The following WDR75 variants were observed in gnomAD, a reference collection of about 807,000 sequenced individuals.
The protein encoded by WDR75 is WD repeat domain 75.
Under a neutral mutation model 106.1 loss-of-function variants are expected in WDR75, and 52 were observed. The observed-to-expected ratio is 0.49, with a 90% CI of 0.39 to 0.62. The LOEUF is 0.62. WDR75 is among the 20% of genes least tolerant of loss of function. The pLI is 0.00. For missense variants in WDR75, 905 were observed against 970.3 expected, an observed-to-expected ratio of 0.93 and a Z score of 0.89; for synonymous variants, 333 against 335.5, an observed-to-expected ratio of 0.99 and a Z score of 0.08.
intron 2 of WDR75, chr2:189,448,926 T>C (rs1294266254): frequency 2.1e-6 from 1 of 467,906 alleles, no homozygotes; most frequent in African/African-American, 2.0e-5. Flanking sequence ...CAGGAGGTAT[T>C]GATTTGGTAG....
At position 189,458,735 on chromosome 2, in the gene WDR75, GTT is replaced by G; in HGVS notation, c.570-9_570-8del. ...GAGACTTTAATAATTAAGGGAATTT[GTT>G]TTTTTTTTCTCCTAGGTTTACTTTA... On this transcript the variant is annotated splice_polypyrimidine_tract_variant and intron_variant, in intron 6 of 20. Transcript: ENST00000314761. The G allele has an allele frequency of 7.2e-7, 1 of 1,391,848 alleles. No homozygotes were observed. The highest frequency in any genetic ancestry group is 1.5e-5 in the South Asian group (1 of 67,896). The allele number at this position is 1,391,848 out of a possible 1,614,324, so 86.2% of individuals were successfully genotyped here.
At chr2:189,449,204 C>T in intron 2 of WDR75, 1 of 1,273,682 alleles carries the variant, frequency 7.9e-7, no homozygotes, top group Non-Finnish European at 1.0e-6. Context: ...ATATTTTGTT[C>T]TTGCTCTTAT....
chr2:189,448,594 C>G (rs1686549543), intron 2 of WDR75, 86 bp downstream of exon 2: 17 of 1,522,918 alleles, frequency 1.1e-5, no homozygotes, highest in Non-Finnish European at 1.5e-5. Flanking sequence ...GAGAAACTTT[C>G]CAGGTTATAA....
At chr2:189,457,144 A>C (rs111950224) in intron 5 of WDR75, among the ~76,000 whole-genome samples, 167 bp from the exon 6 acceptor site, 1 of 151,856 alleles carries the variant, frequency 6.6e-6, no homozygotes, top group Admixed American at 6.6e-5. Flanking sequence ...GGGAGGCTGA[A>C]GCAGGAGAAT....
intron 1 of WDR75, 138 bp downstream of exon 1, chr2:189,441,716 G>C (rs1426118988): frequency 2.1e-6 from 2 of 950,568 alleles, no homozygotes; most frequent in African/African-American, 3.3e-5. Context: ...CGCCTGTGGG[G>C]GATCCCCAGG....
intron 2 of WDR75, chr2:189,450,503 G>A (rs1387687584): frequency 1.2e-6 from 1 of 825,542 alleles, no homozygotes; most frequent in Admixed American, 6.3e-5. Flanking sequence ...GCTAATTTTT[G>A]TAGGGGTTTC....
At chr2:189,463,543 A>T (rs1408499263) in intron 9 of WDR75, 151 bp from the exon 10 acceptor site, 19 of 672,318 alleles carry the variant, frequency 2.8e-5, no homozygotes, top group Non-Finnish European at 4.2e-5. Context: ...CACTAATGAT[A>T]GCTGATGAGC....
chr2:189,455,395 T>A lies in WDR75; in HGVS notation c.449T>A (p.Val150Asp). The change falls in exon 5 of 21, where the codon GTT becomes GAT. Residue 150 changes from valine to aspartate, a missense_variant. By Grantham distance (152) the Val-to-Asp change is radical (BLOSUM62 -3). Coordinates refer to ENST00000314761, the MANE Select transcript of WDR75 (RefSeq NM_032168.3). ...GTAGAAGCCAAGGAGCTGTCCTTTG[T>A]TTTGGATTACATAAACCAGTCACCC... The part of the protein sequence containing the change: ...QEVEAKELSF[V>D]LDYINQSPKC... 1 of 1,614,142 alleles carries A rather than the reference T, an allele frequency of 6.2e-7. No individual in the cohort carries two copies. Among genetic ancestry groups the A allele is most frequent in the Non-Finnish European group, 8.5e-7 (1 of 1,179,994 alleles).
rs533126663 is a variant in WDR75 at position 189,444,656 on chromosome 2, T to C, written c.86+3078T>C. Among the ~76,000 whole-genome samples, 9 of 152,336 alleles carry C rather than the reference T, an allele frequency of 5.9e-5. No individual in the cohort carries two copies. In the East Asian group the frequency reaches 1.2e-3, roughly 20 times the overall value. ...CAATTTTCCTAAGTTGTTACTGTTA[T>C]AACATTATTACTCTAACTCTTATTT... On this transcript the variant is annotated intron_variant, in intron 1 of 20. Coordinates refer to ENST00000314761, the MANE Select transcript of WDR75 (RefSeq NM_032168.3).
intron 2 of WDR75, chr2:189,449,401 A>C: frequency 7.9e-7 from 1 of 1,272,354 alleles, no homozygotes; most frequent in Non-Finnish European, 1.0e-6. Context: ...GGATCCAAGT[A>C]CATATTTTAT....
In WDR75 at chr2:189,462,247, A is replaced by G. The variant is rs150730530; in HGVS notation, c.779-237A>G. On this transcript the variant is annotated intron_variant, in intron 8 of 20. Transcript: ENST00000314761. ...GGATATTTGTTTGTCCAGCTTTTCT[A>G]GTTGTCAACAGAGGAGTTGGTCAGC... Among the ~76,000 whole-genome samples, 610 of 152,156 alleles carry G rather than the reference A, an allele frequency of 4.0e-3. 12 individuals are homozygous for G. The highest frequency in any genetic ancestry group is 0.035 in the Admixed American group (539 of 15,288).
Position 189,468,457 on chromosome 2 carries a change from C to CTTGT in WDR75, c.1629-17_1629-14dup. ...GCTAGAACTGACTGTTGCTAACTTC[C>CTTGT]TTGTGGTTTTAATCTAGGCACCTTT... is the stretch of plus-strand genomic sequence containing the variant. On this transcript the variant is annotated splice_polypyrimidine_tract_variant and intron_variant, in intron 14 of 20. Coordinates refer to ENST00000314761, the MANE Select transcript of WDR75 (RefSeq NM_032168.3). The CTTGT allele has an allele frequency of 6.2e-7, 1 of 1,612,074 alleles. No homozygotes were observed.
chr2:189,464,023 A>C, intron 11 of WDR75, 62 bp downstream of exon 11: 1 of 1,387,030 alleles, frequency 7.2e-7, no homozygotes, highest in Non-Finnish European at 1.0e-6. Flanking sequence ...ACTGGAGTCA[A>C]GCAATTTGTT....
intron 8 of WDR75, 72 bp from the exon 9 acceptor site, chr2:189,462,412 T>C: frequency 2.0e-5 from 31 of 1,543,244 alleles, no homozygotes; most frequent in Non-Finnish European, 2.7e-5. Flanking sequence ...AAAACAAAAG[T>C]GTTAATTATA....
At chr2:189,469,974 A>ACAGT in intron 16 of WDR75, 102 bp from the exon 17 acceptor site, 2 of 1,018,326 alleles carry the variant, frequency 2.0e-6, no homozygotes, top group Non-Finnish European at 2.9e-6. Flanking sequence ...TGGGCCAGTT[A>ACAGT]CTCAATGGGG....
rs370533793 is a variant in WDR75 at position 189,475,337 on chromosome 2, A to G, written c.2413A>G (p.Ile805Val). Reference protein sequence around the residue: ...TSNTGLGEDIIHQLSKSEEKE... With the variant: ...TSNTGLGEDIVHQLSKSEEKE... ...TAACACAGGTTTAGGAGAAGACATTATACATCAGTTGTCAAAATCTGAAGA... is the reference window on the plus strand; with the variant it reads ...TAACACAGGTTTAGGAGAAGACATTGTACATCAGTTGTCAAAATCTGAAGA... Residue 805 changes from isoleucine (I) to valine (V), a missense_variant, in exon 21 of 21, where the codon ATA (isoleucine) becomes GTA (valine). By Grantham distance (29) the Ile-to-Val change is conservative. Transcript: ENST00000314761. The G allele has an allele frequency of 1.2e-6, 2 of 1,612,676 alleles. No homozygotes were observed. The highest frequency in any genetic ancestry group is 3.3e-5 in the Admixed American group (2 of 59,920).
intron 8 of WDR75, among the ~76,000 whole-genome samples, chr2:189,461,120 A>C (rs76631713): frequency 0.065 from 9,875 of 152,296 alleles, 501 homozygotes; most frequent in African/African-American, 0.14. Flanking sequence ...GCTAGATTTT[A>C]TCAGCTTGCA....
Position 189,464,021 on chromosome 2 carries a change from C to A in WDR75, c.1113+60C>A, listed in dbSNP as rs1325148458. 6 of 1,401,042 alleles carry A rather than the reference C, an allele frequency of 4.3e-6. No homozygotes were observed. In the African/African-American group the frequency reaches 7.2e-5, roughly 17 times the overall value. The allele number at this position is 1,401,042 out of a possible 1,614,324, so 86.8% of individuals were successfully genotyped here. A position where few individuals can be genotyped will look rare whatever the true frequency, so the allele number is the denominator to read the frequency against. On this transcript the variant is annotated intron_variant, in intron 11 of 20. Coordinates refer to ENST00000314761, the MANE Select transcript of WDR75 (RefSeq NM_032168.3). The stretch of plus-strand genomic sequence containing the variant: ...AAGCTCTTTACAGTACCACTGGAGT[C>A]AAGCAATTTGTTTAGTAGCTTTTAA...
intron 1 of WDR75, among the ~76,000 whole-genome samples, chr2:189,445,168 A>G (rs1420393420): frequency 6.6e-6 from 1 of 152,228 alleles, no homozygotes; most frequent in African/African-American, 2.4e-5. Context: ...TACATTTTAC[A>G]GTGGCTAACT....
Sources: allele counts gnomAD v4.1 joint callset (sites outside exome capture counted in the v4.1 genomes callset), GRCh38; gene constraint gnomAD v4.1.1; transcripts MANE v1.5; gene names NCBI Gene and HGNC (gene_info 2026-07-23, HGNC 2026-07-21).